Variants in XKR9 observed in about 807,000 individuals in gnomAD.
XKR9 encodes XK related 9, also known as XK-related protein 9.
In XKR9, 32 loss-of-function variants were observed where a neutral mutation model predicts 32.0. The ratio of observed to expected loss-of-function variants is 1.00; its 90% CI spans 0.76 to 1.34. The LOEUF (loss-of-function observed/expected upper bound fraction) is 1.34. Ranked by LOEUF, XKR9 falls within the 40% of genes most tolerant of loss-of-function variation. The probability of loss-of-function intolerance (pLI) is 0.00; values close to 1 mark genes in which losing one functional copy is unlikely to be tolerated. For synonymous variants in XKR9, 168 were observed against 143.4 expected (o/e 1.17, Z -1.22); for missense variants, 546 against 429.7 (o/e 1.27, Z -2.39).
the XKR9 span, among the ~76,000 whole-genome samples, chr8:71,044,938 A>C: frequency 0.61 from 92,262 of 152,038 alleles, 29,837 homozygotes; most frequent in East Asian, 0.93. Context: ...GGCTAGAAAT[A>C]TGTAACCTGA....
At chr8:71,012,997 C>A in the XKR9 span, among the ~76,000 whole-genome samples, 10 of 152,144 alleles carry the variant, frequency 6.6e-5, no homozygotes, top group Admixed American at 1.3e-4. Flanking sequence ...CTAGTCTCTG[C>A]TTGTGTTTAA....
At chr8:70,914,712 G>A in the XKR9 span, among the ~76,000 whole-genome samples, 1 of 152,032 alleles carries the variant, frequency 6.6e-6, no homozygotes, top group Non-Finnish European at 1.5e-5. Flanking sequence ...ATGAAAAGAA[G>A]TCCTTAATTT....
chr8:70,887,864 T>A, the XKR9 span, among the ~76,000 whole-genome samples: 1 of 152,140 alleles, frequency 6.6e-6, no homozygotes, highest in African/African-American at 2.4e-5. Context: ...TCATGTCGTC[T>A]GCAAACAGAG....
chr8:70,931,271 T>G, the XKR9 span, among the ~76,000 whole-genome samples: 1 of 152,188 alleles, frequency 6.6e-6, no homozygotes, highest in Admixed American at 6.5e-5. Flanking sequence ...CCAACAGGTA[T>G]GGAATCATAA....
the XKR9 span, among the ~76,000 whole-genome samples, chr8:71,005,347 T>C: frequency 6.6e-6 from 1 of 151,658 alleles, no homozygotes; most frequent in East Asian, 1.9e-4. Context: ...CTTAGCCTCC[T>C]GAGTAGCTGG....
At chr8:70,809,581 A>G in the XKR9 span, among the ~76,000 whole-genome samples, 1 of 152,180 alleles carries the variant, frequency 6.6e-6, no homozygotes, top group Admixed American at 6.5e-5. Context: ...AGAATAACCA[A>G]TGCAGAGAAG....
rs182173800 is a variant in XKR9 at position 70,788,565 on chromosome 8, T to C, written n.353-774T>C. 1.8e-3 allele frequency among the ~76,000 whole-genome samples: 272 copies of C among 152,248 alleles called. 8 individuals carry two copies. The highest frequency in any genetic ancestry group is 6.2e-4 in the Non-Finnish European group (42 of 68,000). On this transcript the variant is annotated intron_variant and non_coding_transcript_variant, in intron 2 of 3. Coordinates refer to the XKR9 transcript ENST00000520273. ...TTAAATATCCAAGTCTGTACTGAAT[T>C]ATTTACACTTATGTAACATGGTAAT... is the stretch of plus-strand genomic sequence containing the variant.
chr8:70,911,417 A>G, the XKR9 span, among the ~76,000 whole-genome samples: 2 of 152,184 alleles, frequency 1.3e-5, no homozygotes, highest in Admixed American at 1.3e-4. Flanking sequence ...TGCAGTTATT[A>G]GGGCTATCCA....
At chr8:70,948,477 G>A in the XKR9 span, among the ~76,000 whole-genome samples, 48,236 of 151,666 alleles carry the variant, frequency 0.32, 8,980 homozygotes, top group Non-Finnish European at 0.43. Context: ...CCCACTGTTG[G>A]TTCTCTCCAA....
the XKR9 span, among the ~76,000 whole-genome samples, chr8:71,054,353 A>G: frequency 1.3e-5 from 2 of 152,180 alleles, no homozygotes; most frequent in African/African-American, 4.8e-5. Flanking sequence ...CTTCCCACGT[A>G]ATTTCTCTAA....
chr8:70,751,185 G>A (rs988661211), intron 2 of XKR9, among the ~76,000 whole-genome samples: 2 of 152,196 alleles, frequency 1.3e-5, no homozygotes, highest in African/African-American at 2.4e-5. Flanking sequence ...CTGGAGTGCA[G>A]TGGCGCGATT....
chr8:70,978,017 G>T, the XKR9 span, among the ~76,000 whole-genome samples: 6 of 152,048 alleles, frequency 3.9e-5, no homozygotes, highest in African/African-American at 1.4e-4. Context: ...TTTGATCTTT[G>T]TTGGTTCAAA....
chr8:70,675,682 C>G (rs1179511964), intron 2 of XKR9, among the ~76,000 whole-genome samples: 2 of 152,158 alleles, frequency 1.3e-5, no homozygotes, highest in Non-Finnish European at 1.5e-5. Flanking sequence ...CTCTAGGGCA[C>G]AAATACAATC....
At chr8:71,000,333 G>A in the XKR9 span, among the ~76,000 whole-genome samples, 3 of 152,122 alleles carry the variant, frequency 2.0e-5, no homozygotes, top group African/African-American at 7.2e-5. Flanking sequence ...AACACCCAGG[G>A]GATTTTACTG....
chr8:70,795,561 G>A, the XKR9 span, among the ~76,000 whole-genome samples: 1 of 152,106 alleles, frequency 6.6e-6, no homozygotes, highest in African/African-American at 2.4e-5. Flanking sequence ...TCACCACAAC[G>A]TCTTCCATAA....
chr8:70,813,964 A>C, the XKR9 span, among the ~76,000 whole-genome samples: 1 of 152,210 alleles, frequency 6.6e-6, no homozygotes, highest in African/African-American at 2.4e-5. Flanking sequence ...AAGGATTATA[A>C]ATCATGCTGC....
At chr8:70,736,875 G>A (rs564258053), downstream of XKR9, among the ~76,000 whole-genome samples, 2,138 of 147,532 alleles carry the variant, frequency 0.014, 33 homozygotes, top group Non-Finnish European at 0.018. Flanking sequence ...CTGTAGCCTT[G>A]TAGTATAGTT....
At chr8:70,979,922 G>A in the XKR9 span, among the ~76,000 whole-genome samples, 23 of 152,344 alleles carry the variant, frequency 1.5e-4, no homozygotes, top group South Asian at 8.3e-4. Context: ...CACCCAGTTC[G>A]AGCTTCCTGG....
intron 3 of XKR9, among the ~76,000 whole-genome samples, chr8:70,698,963 C>A (rs1254251745): frequency 6.6e-5 from 10 of 151,574 alleles, no homozygotes; most frequent in Admixed American, 6.6e-4. Flanking sequence ...CTCTTTTGAT[C>A]TTTGTTGGTT....
Sources: allele counts gnomAD v4.1 joint callset (sites outside exome capture counted in the v4.1 genomes callset), GRCh38; gene constraint gnomAD v4.1.1; transcripts MANE v1.5; gene names NCBI Gene and HGNC (gene_info 2026-07-23, HGNC 2026-07-21).